Variants in ZXDC observed in about 807,000 individuals in gnomAD.
ZXDC encodes the protein ZXD family zinc finger C, also known as zinc finger protein ZXDC.
In ZXDC, 58 loss-of-function variants were observed where a neutral mutation model predicts 63.6. The observed-to-expected ratio is 0.91, with a 90% confidence interval of 0.74 to 1.13. ZXDC has a LOEUF of 1.13. Among genes scored for constraint, ZXDC ranks in the 50% most tolerant of loss-of-function variants. The pLI, the probability that ZXDC is intolerant of heterozygous loss-of-function variation, is 0.00. For missense variants in ZXDC, 1,133 were observed against 1,148.9 expected (o/e 0.99, Z 0.20); for synonymous variants, 561 against 496.1 (o/e 1.13, Z -1.74).
At chr3:126,463,162 G>A (rs951590019) in intron 5 of ZXDC, among the ~76,000 whole-genome samples, 20 of 151,890 alleles carry the variant, frequency 1.3e-4, no homozygotes, top group Admixed American at 3.3e-4. Context: ...TCCGCCTCCC[G>A]GGTTCACCCC....
At position 126,475,833 on chromosome 3, in the gene ZXDC, A is replaced by C. The variant is rs1935205627; in HGVS notation, c.33T>G (p.Thr11=). The C allele has an allele frequency of 2.8e-6, 3 of 1,080,972 alleles. No homozygotes were observed. The highest frequency in any genetic ancestry group is 3.4e-6 in the Non-Finnish European group (3 of 892,810). The allele number at this position is 1,080,972 out of a possible 1,614,324, so 67.0% of individuals were successfully genotyped here. A position where few individuals can be genotyped will look rare whatever the true frequency, so the allele number is the denominator to read the frequency against. Residue 11 remains threonine, a synonymous_variant, in exon 1 of 10, where the codon ACT becomes ACG. Transcript: ENST00000389709. MDLPALLPAP[T]ARGGQHGGGP... The stretch of plus-strand genomic sequence containing the variant: ...CGCCGCCATGTTGCCCTCCGCGCGC[A>C]GTCGGGGCGGGGAGCAGCGCCGGGA...
intron 7 of ZXDC, among the ~76,000 whole-genome samples, chr3:126,445,489 C>T (rs1560090433): frequency 6.6e-6 from 1 of 151,834 alleles, no homozygotes; most frequent in South Asian, 2.1e-4. Context: ...TTGGAACTGC[C>T]CCTGGGTTTG....
In ZXDC at chr3:126,472,293, G is replaced by A. The variant is rs1236730143; in HGVS notation, c.920C>T (p.Thr307Ile). The A allele has an allele frequency of 1.9e-6, 3 of 1,608,554 alleles. No homozygotes were observed. The highest frequency in any genetic ancestry group is 1.7e-5 in the Admixed American group (1 of 59,854). Residue 307 changes from threonine to isoleucine, a missense_variant, in exon 2 of 10, where the codon ACA becomes ATA. Physicochemically the swap from Thr to Ile is moderately conservative, Grantham distance 89. Coordinates refer to ENST00000389709, the MANE Select transcript of ZXDC (RefSeq NM_025112.5). ...AAACAGGGCACTCACTGTGATAAAT[G>A]TCTTCTCACAGCCTGAACAAGGAAA... ...YKCDFPGCEK[T>I]FITVSALFSH...
At chr3:126,441,407 G>A in intron 8 of ZXDC, 3 of 1,067,228 alleles carry the variant, frequency 2.8e-6, no homozygotes, top group Non-Finnish European at 3.4e-6. Flanking sequence ...TGCAGAAGAA[G>A]GGCAGGGTGG....
At chr3:126,460,941 C>G in intron 6 of ZXDC, 1 of 984,418 alleles carries the variant, frequency 1.0e-6, no homozygotes, top group Non-Finnish European at 1.2e-6. Context: ...GAAAGTCAGA[C>G]TATCTCCTAA....
chr3:126,474,922 C>T, intron 1 of ZXDC, 37 bp downstream of exon 1: 1 of 1,528,288 alleles, frequency 6.5e-7, no homozygotes, highest in Non-Finnish European at 8.8e-7. Flanking sequence ...CTGCCTGCAA[C>T]ACCGCGCAGC....
chr3:126,460,468 CCAA>C (rs1312288153), intron 6 of ZXDC: 1 of 985,232 alleles, frequency 1.0e-6, no homozygotes, highest in African/African-American at 1.7e-5. Flanking sequence ...GGGGTTAAGA[CCAA>C]GGTCTTGCTG....
At chr3:126,464,227 A>G (rs1934663646) in intron 5 of ZXDC, among the ~76,000 whole-genome samples, 1 of 152,220 alleles carries the variant, frequency 6.6e-6, no homozygotes, top group East Asian at 1.9e-4. Context: ...ATATTAACAC[A>G]ATCACTAAAT....
chr3:126,474,063 T>A (rs1465666417), intron 1 of ZXDC, among the ~76,000 whole-genome samples: 2 of 98,994 alleles, frequency 2.0e-5, no homozygotes, highest in Non-Finnish European at 3.5e-5. Context: ...GGCAGTGGAC[T>A]TTTTTTTTTT....
At chr3:126,464,158 A>G (rs1272492270) in intron 5 of ZXDC, among the ~76,000 whole-genome samples, 1 of 152,230 alleles carries the variant, frequency 6.6e-6, no homozygotes, top group Non-Finnish European at 1.5e-5. Flanking sequence ...TTTCTTACTT[A>G]GCACTTTACT....
chr3:126,439,995 C>T, intron 8 of ZXDC: 1 of 1,340,338 alleles, frequency 7.5e-7, no homozygotes, highest in Non-Finnish European at 9.5e-7. Flanking sequence ...CCTCAGTCAG[C>T]CCAAATACTG....
intron 3 of ZXDC, 96 bp downstream of exon 3, chr3:126,471,877 T>C: frequency 9.0e-7 from 1 of 1,107,716 alleles, no homozygotes; most frequent in Non-Finnish European, 1.3e-6. Flanking sequence ...TTTAACAACT[T>C]AAAAAATGTC....
At chr3:126,467,723 G>T (rs577527288) in intron 4 of ZXDC, among the ~76,000 whole-genome samples, 1 of 152,142 alleles carries the variant, frequency 6.6e-6, no homozygotes, top group African/African-American at 2.4e-5. Flanking sequence ...CTGCAAGCGC[G>T]CAGTTTCCTC....
intron 4 of ZXDC, among the ~76,000 whole-genome samples, chr3:126,468,900 C>T (rs1934874029): frequency 6.6e-6 from 1 of 152,242 alleles, no homozygotes; most frequent in Non-Finnish European, 1.5e-5. Flanking sequence ...GTACCCGTCC[C>T]AGCCACTCCA....
chr3:126,466,345 G>A lies in ZXDC; in HGVS notation c.1271-20C>T. Reference sequence around the variant, plus strand: ...AACATCCTGGAACAAAAAGAGTAATGAGAGTGAAACCCAAGGATCACCAAG... The same window carrying A: ...AACATCCTGGAACAAAAAGAGTAATAAGAGTGAAACCCAAGGATCACCAAG... On this transcript the variant is annotated intron_variant, in intron 4 of 9. Coordinates refer to ENST00000389709, the MANE Select transcript of ZXDC (RefSeq NM_025112.5). The A allele has an allele frequency of 6.2e-7, 1 of 1,614,022 alleles. No homozygotes were observed. The highest frequency in any genetic ancestry group is 8.5e-7 in the Non-Finnish European group (1 of 1,179,986).
Position 126,455,270 on chromosome 3 carries a change from C to A in ZXDC, c.2212+4383G>T, listed in dbSNP as rs1396876838. On this transcript the variant is annotated intron_variant, in intron 7 of 9. Coordinates refer to ENST00000389709, the MANE Select transcript of ZXDC (RefSeq NM_025112.5). ...CTTAGATATATTTTGCTGAAAAGTA[C>A]CAATGTAGTAACTAGTGGTATTAAT... 1.7e-5 allele frequency: 3 copies of A among 173,148 alleles called. No individual in the cohort carries two copies. In the East Asian group the frequency reaches 5.7e-4, roughly 33 times the overall value. The allele number at this position is 173,148 out of a possible 1,614,324, so 10.7% of individuals were successfully genotyped here. A position where few individuals can be genotyped will look rare whatever the true frequency, so the allele number is the denominator to read the frequency against.
At position 126,442,126 on chromosome 3, in the gene ZXDC, T is replaced by C. The variant is rs1209501736; in HGVS notation, c.2213-180A>G. ...GTTAAGAGGTTGAAACAAACAACCATACGAACAAAAAAACATCAGGATTTT... is the reference window on the plus strand; with the variant it reads ...GTTAAGAGGTTGAAACAAACAACCACACGAACAAAAAAACATCAGGATTTT... On this transcript the variant is annotated intron_variant, in intron 7 of 9. Transcript: ENST00000389709. 2.9e-5 allele frequency: 18 copies of C among 621,366 alleles called. No homozygotes were observed. The East Asian group carries it at 6.2e-4, about 21-fold the overall frequency. 38.5% of individuals were successfully genotyped at this position (621,366 alleles called of 1,614,324 possible). A position where few individuals can be genotyped will look rare whatever the true frequency, so the allele number is the denominator to read the frequency against.
chr3:126,456,233 A>G (rs1005981886), intron 7 of ZXDC, among the ~76,000 whole-genome samples: 3 of 152,244 alleles, frequency 2.0e-5, no homozygotes, highest in African/African-American at 7.2e-5. Context: ...ACCCTGCCAG[A>G]GAGGCCTCGC....
chr3:126,449,938 G>A (rs1934033315), intron 7 of ZXDC, among the ~76,000 whole-genome samples: 1 of 152,216 alleles, frequency 6.6e-6, no homozygotes, highest in Non-Finnish European at 1.5e-5. Context: ...GAAGGACCAT[G>A]GCGCTCACTC....
Sources: allele counts gnomAD v4.1 joint callset (sites outside exome capture counted in the v4.1 genomes callset), GRCh38; gene constraint gnomAD v4.1.1; transcripts MANE v1.5; gene names NCBI Gene and HGNC (gene_info 2026-07-23, HGNC 2026-07-21).